The following DENND4C variants were observed in gnomAD, a reference collection of about 807,000 sequenced individuals.
The protein encoded by DENND4C is DENN domain-containing protein 4C.
Under a neutral mutation model 203.0 loss-of-function variants are expected in DENND4C, and 108 were observed. The ratio of observed to expected loss-of-function variants is 0.53; its 90% CI spans 0.46 to 0.62. DENND4C has a LOEUF of 0.62. DENND4C is among the 20% of genes least tolerant of loss of function. DENND4C has a pLI of 0.00. For synonymous variants in DENND4C, 871 were observed against 792.4 expected (o/e 1.10, Z -1.67); for missense variants, 2,481 against 2,301.2 (o/e 1.08, Z -1.60).
At chr9:19,231,154 C>T (rs1300435417) in intron 1 of DENND4C, among the ~76,000 whole-genome samples, 2 of 152,148 alleles carry the variant, frequency 1.3e-5, no homozygotes, top group Non-Finnish European at 2.9e-5. Context: ...GGGTCTGGGC[C>T]CGGGGGACCG....
chr9:19,260,039 A>G (rs1438850178), intron 1 of DENND4C, among the ~76,000 whole-genome samples: 3 of 152,142 alleles, frequency 2.0e-5, no homozygotes, highest in Non-Finnish European at 4.4e-5. Flanking sequence ...GAACCTCTAT[A>G]CTATTCTCCA....
chr9:19,272,275 C>T (rs1182030540), intron 1 of DENND4C, among the ~76,000 whole-genome samples: 2 of 151,324 alleles, frequency 1.3e-5, no homozygotes, highest in Non-Finnish European at 2.9e-5. Context: ...ACAAAATTAG[C>T]CAGGCGTGGT....
At chr9:19,302,337 T>G (rs1265069610) in intron 9 of DENND4C, among the ~76,000 whole-genome samples, 3 of 152,216 alleles carry the variant, frequency 2.0e-5, no homozygotes, top group Admixed American at 2.0e-4. Context: ...TTATAAAAAG[T>G]GACCCTATAG....
At chr9:19,317,929 G>C in intron 12 of DENND4C, among the ~76,000 whole-genome samples, 1 of 152,204 alleles carries the variant, frequency 6.6e-6, no homozygotes, top group Non-Finnish European at 1.5e-5. Context: ...AAATGGAGAA[G>C]AACAGAAAAG....
In DENND4C at chr9:19,352,475, T is replaced by C; in HGVS notation, c.4606-15T>C. 6.4e-7 allele frequency: 1 copy of C among 1,552,280 alleles called. No individual in the cohort carries two copies. Among genetic ancestry groups the C allele is most frequent in the Non-Finnish European group, 8.7e-7 (1 of 1,149,068 alleles). On this transcript the variant is annotated splice_polypyrimidine_tract_variant and intron_variant, in intron 25 of 32. Coordinates refer to ENST00000434457, the MANE Select transcript of DENND4C (RefSeq NM_001330640.2). ...TTATTAAACGTTCTCAGTGTCTGCA[T>C]TTTTCTGTTTTTAGGTTTTGATGTC...
chr9:19,361,224 A>G (rs1313757825), intron 29 of DENND4C, among the ~76,000 whole-genome samples: 1 of 152,142 alleles, frequency 6.6e-6, no homozygotes, highest in Non-Finnish European at 1.5e-5. Flanking sequence ...CCTTATTTGA[A>G]AGGACCCATA....
At chr9:19,249,789 C>T (rs1235238454) in intron 1 of DENND4C, among the ~76,000 whole-genome samples, 1 of 152,138 alleles carries the variant, frequency 6.6e-6, no homozygotes, top group Non-Finnish European at 1.5e-5. Flanking sequence ...TCCTGTGTAG[C>T]TGGGATCACA....
At position 19,297,551 on chromosome 9, in the gene DENND4C, T is replaced by C. The variant is rs80052022; in HGVS notation, c.1041-505T>C. On this transcript the variant is annotated intron_variant, in intron 6 of 32. Coordinates refer to ENST00000434457, the MANE Select transcript of DENND4C (RefSeq NM_001330640.2). ...ATAAAATCAATGTATATAATCAATATTTTTTTCAGTTGAAGTAATATGTTG... is the reference window on the plus strand; with the variant it reads ...ATAAAATCAATGTATATAATCAATACTTTTTTCAGTTGAAGTAATATGTTG... Among the ~76,000 whole-genome samples, 891 of 152,002 alleles carry C rather than the reference T, an allele frequency of 5.9e-3. 8 individuals are homozygous for C. Among genetic ancestry groups the C allele is most frequent in the African/African-American group, 0.019 (809 of 41,548 alleles).
At chr9:19,351,997 T>TA in intron 24 of DENND4C, 76 bp from the exon 25 acceptor site, 1 of 1,218,656 alleles carries the variant, frequency 8.2e-7, no homozygotes, top group Non-Finnish European at 1.2e-6. Context: ...GTGTCCCCCC[T>TA]AAATACTTTG....
chr9:19,299,700 T>A (rs975713169), intron 8 of DENND4C, among the ~76,000 whole-genome samples: 3 of 152,234 alleles, frequency 2.0e-5, no homozygotes, highest in Non-Finnish European at 2.9e-5. Context: ...AATTGGTACC[T>A]TTTTACTTAT....
At chr9:19,248,978 A>G (rs904202250) in intron 1 of DENND4C, among the ~76,000 whole-genome samples, 1 of 151,746 alleles carries the variant, frequency 6.6e-6, no homozygotes, top group East Asian at 2.0e-4. Flanking sequence ...TTTAGTAGAG[A>G]TGGGGTTTCA....
chr9:19,363,519 A>G (rs990199743), intron 30 of DENND4C, among the ~76,000 whole-genome samples: 1 of 151,790 alleles, frequency 6.6e-6, no homozygotes, highest in African/African-American at 2.4e-5. Context: ...AAATTAAAAA[A>G]ACATTAGTGC....
chr9:19,336,141 C>T (rs748596975), intron 18 of DENND4C, 129 bp from the exon 19 acceptor site: 5 of 781,540 alleles, frequency 6.4e-6, no homozygotes, highest in African/African-American at 5.5e-5. Context: ...TTTAATATAC[C>T]TCTTGGCCAG....
chr9:19,321,660 C>G (rs912510116), intron 12 of DENND4C, among the ~76,000 whole-genome samples: 5 of 151,756 alleles, frequency 3.3e-5, no homozygotes, highest in Admixed American at 6.6e-5. Context: ...GCCTGGCAAA[C>G]ATGGCGAAAC....
At chr9:19,235,231 C>T (rs7868664) in intron 1 of DENND4C, among the ~76,000 whole-genome samples, 5,372 of 152,280 alleles carry the variant, frequency 0.035, 325 homozygotes, top group African/African-American at 0.12. Flanking sequence ...TCCCAAAGTG[C>T]TGGGATTACA....
At chr9:19,259,743 G>T (rs1588766532) in intron 1 of DENND4C, among the ~76,000 whole-genome samples, 1 of 152,040 alleles carries the variant, frequency 6.6e-6, no homozygotes, top group East Asian at 1.9e-4. Context: ...GACCTCAGGT[G>T]ATCCGCCCGC....
At position 19,244,532 on chromosome 9, in the gene DENND4C, A is replaced by G. The variant is rs1824633738; in HGVS notation, c.-18+13699A>G. On this transcript the variant is annotated intron_variant, in intron 1 of 32. Coordinates refer to ENST00000434457, the MANE Select transcript of DENND4C (RefSeq NM_001330640.2). ...GAGGCGGGAGGAGCATGAGGTCAAG[A>G]GATCGAGACCATCCTGGCTAACACA... Among the ~76,000 whole-genome samples, 5 of 151,644 alleles carry G rather than the reference A, an allele frequency of 3.3e-5. No homozygotes were observed. The South Asian group carries it at 1.0e-3, about 32-fold the overall frequency.
Position 19,324,372 on chromosome 9 carries a change from A to G in DENND4C, c.1818A>G (p.Lys606=), listed in dbSNP as rs760171711. 1 of 1,582,406 alleles carries G rather than the reference A, an allele frequency of 6.3e-7. No individual in the cohort carries two copies. Among genetic ancestry groups the G allele is most frequent in the East Asian group, 2.2e-5 (1 of 44,638 alleles). ...DSLFDRQGFL[K]SRDRAYAKFY... is the part of the protein sequence containing the mutation. ...TTTTGTTTTCCTCAGGATTTTTAAA[A>G]AGTCGAGATCGTGCCTATGCAAAAT... The change falls in exon 13 of 33, where the codon AAA becomes AAG. Residue 606 remains lysine, a synonymous_variant. Coordinates refer to ENST00000434457, the MANE Select transcript of DENND4C (RefSeq NM_001330640.2).
chr9:19,234,221 ATT>A, intron 1 of DENND4C, among the ~76,000 whole-genome samples: 1 of 151,288 alleles, frequency 6.6e-6, no homozygotes, highest in South Asian at 2.1e-4. Flanking sequence ...TCTTACTCTG[ATT>A]GTTATTTTTA....
Sources: gnomAD v4.1 joint callset for allele counts (sites outside exome capture counted in the v4.1 genomes callset) on GRCh38, gnomAD v4.1.1 for gene constraint, MANE v1.5 for transcripts, NCBI Gene and HGNC (gene_info 2026-07-23, HGNC 2026-07-21) for gene names.